The following ARHGAP15 variants were observed in gnomAD, a reference collection of about 807,000 sequenced individuals.
ARHGAP15 encodes rho GTPase-activating protein 15.
In ARHGAP15, 51 loss-of-function variants were observed where a neutral mutation model predicts 63.7. The observed-to-expected ratio is 0.80, with a 90% CI of 0.64 to 1.01. The LOEUF is 1.01. Among genes scored for constraint, ARHGAP15 ranks in the 50% least tolerant of loss-of-function variants. The pLI is 0.00. For missense variants in ARHGAP15, 560 were observed against 564.6 expected (o/e 0.99, Z 0.08); for synonymous variants, 191 against 193.8 (o/e 0.99, Z 0.12).
chr2:143,204,713 A>C (rs1357975455), intron 3 of ARHGAP15, among the ~76,000 whole-genome samples: 1 of 151,890 alleles, frequency 6.6e-6, no homozygotes, highest in East Asian at 1.9e-4. Context: ...GCCCTAGAAG[A>C]CTCATCGACT....
At chr2:143,213,855 A>G (rs911614478) in intron 3 of ARHGAP15, among the ~76,000 whole-genome samples, 2 of 152,248 alleles carry the variant, frequency 1.3e-5, no homozygotes, top group African/African-American at 4.8e-5. Flanking sequence ...TGGCTCAGCC[A>G]CTGATGACAA....
chr2:143,343,738 C>A (rs895346676), intron 6 of ARHGAP15, among the ~76,000 whole-genome samples: 4 of 152,048 alleles, frequency 2.6e-5, no homozygotes, highest in African/African-American at 7.2e-5. Context: ...GACAAGATTG[C>A]ACCCAATTTT....
chr2:143,492,447 A>G (rs1454909165), intron 9 of ARHGAP15, among the ~76,000 whole-genome samples: 1 of 152,154 alleles, frequency 6.6e-6, no homozygotes, highest in Non-Finnish European at 1.5e-5. Flanking sequence ...GCTTATTTAT[A>G]GGTAAATTTT....
intron 12 of ARHGAP15, among the ~76,000 whole-genome samples, chr2:143,648,211 T>G (rs1411306136): frequency 6.6e-6 from 1 of 152,048 alleles, no homozygotes; most frequent in Non-Finnish European, 1.5e-5. Flanking sequence ...TAATTTAAAC[T>G]TTAGCCTTCT....
chr2:143,323,831 T>G lies in ARHGAP15; in HGVS notation c.474+73231T>G, dbSNP rs1017503894. On this transcript the variant is annotated intron_variant, in intron 6 of 13. Transcript: ENST00000295095. ...TGGTGTGAACCCGGGAAGCGGAGCT[T>G]GCAGAGTGAGCCGAGATCGCACCAC... Among the ~76,000 whole-genome samples, 19 of 130,468 alleles carry G rather than the reference T, an allele frequency of 1.5e-4. 1 individual carries two copies. The highest frequency in any genetic ancestry group is 1.3e-3 in the Admixed American group (14 of 10,576). 85.6% of individuals were successfully genotyped at this position (130,468 alleles called of 152,430 possible).
At chr2:143,152,051 A>G (rs1020493312) in intron 1 of ARHGAP15, among the ~76,000 whole-genome samples, 1 of 151,918 alleles carries the variant, frequency 6.6e-6, no homozygotes, top group Non-Finnish European at 1.5e-5. Flanking sequence ...TGTTATGTAC[A>G]TCCAGGACAA....
chr2:143,439,448 AG>A (rs1446029024), intron 8 of ARHGAP15, among the ~76,000 whole-genome samples: 3 of 145,204 alleles, frequency 2.1e-5, no homozygotes, highest in Non-Finnish European at 1.5e-5. Flanking sequence ...AAAAAAAAAA[AG>A]GGAAGAGATA....
intron 2 of ARHGAP15, among the ~76,000 whole-genome samples, chr2:143,174,633 A>C (rs1437909022): frequency 6.6e-6 from 1 of 152,112 alleles, no homozygotes; most frequent in Non-Finnish European, 1.5e-5. Flanking sequence ...TTTTCTTTTC[A>C]TAAGAACTGA....
intron 5 of ARHGAP15, among the ~76,000 whole-genome samples, chr2:143,249,447 T>A (rs1048563136): frequency 1.3e-5 from 2 of 152,146 alleles, no homozygotes; most frequent in Non-Finnish European, 2.9e-5. Context: ...CTTTCATAAT[T>A]TCATGTTTTA....
At chr2:143,729,904 A>AT (rs149740011) in intron 13 of ARHGAP15, among the ~76,000 whole-genome samples, 24,700 of 152,126 alleles carry the variant, frequency 0.16, 2,534 homozygotes, top group Non-Finnish European at 0.24. Flanking sequence ...AAGTTTAGGG[A>AT]TTTTTTGTGA....
At chr2:143,483,232 T>C (rs1416500400) in intron 8 of ARHGAP15, among the ~76,000 whole-genome samples, 1 of 152,212 alleles carries the variant, frequency 6.6e-6, no homozygotes, top group Non-Finnish European at 1.5e-5. Context: ...TAATTAAGAA[T>C]ACTATCACCA....
chr2:143,431,902 G>T (rs965831808), intron 6 of ARHGAP15, among the ~76,000 whole-genome samples: 4 of 151,880 alleles, frequency 2.6e-5, no homozygotes, highest in African/African-American at 9.7e-5. Flanking sequence ...TCTCAAACAG[G>T]GTAGCACCAT....
intron 12 of ARHGAP15, among the ~76,000 whole-genome samples, chr2:143,628,623 A>T (rs1357350262): frequency 6.6e-6 from 1 of 152,102 alleles, no homozygotes; most frequent in Non-Finnish European, 1.5e-5. Flanking sequence ...TTCAGCTCCC[A>T]TCTGGTGACA....
At chr2:143,714,741 C>T (rs892506592) in intron 13 of ARHGAP15, among the ~76,000 whole-genome samples, 1 of 152,222 alleles carries the variant, frequency 6.6e-6, no homozygotes, top group Non-Finnish European at 1.5e-5. Context: ...GGGCAGAATG[C>T]CACCAGTCTC....
chr2:143,168,503 A>G (rs1690638438), intron 2 of ARHGAP15, among the ~76,000 whole-genome samples: 1 of 152,100 alleles, frequency 6.6e-6, no homozygotes, highest in South Asian at 2.1e-4. Flanking sequence ...AGTCTCTTAA[A>G]TTATTATAAA....
intron 12 of ARHGAP15, among the ~76,000 whole-genome samples, chr2:143,663,928 T>C (rs1252847870): frequency 1.3e-5 from 2 of 152,080 alleles, no homozygotes; most frequent in Non-Finnish European, 2.9e-5. Context: ...CTGAGTGACC[T>C]ACAAAGAGAT....
intron 1 of ARHGAP15, among the ~76,000 whole-genome samples, chr2:143,150,004 T>C (rs181891582): frequency 1.3e-5 from 2 of 152,130 alleles, no homozygotes; most frequent in East Asian, 1.9e-4. Context: ...CCATACACAA[T>C]GTCCACTTGA....
At chr2:143,493,015 G>A (rs1333947487) in intron 9 of ARHGAP15, among the ~76,000 whole-genome samples, 10 of 144,134 alleles carry the variant, frequency 6.9e-5, no homozygotes, top group South Asian at 4.5e-4. Context: ...CCGAGAATAC[G>A]CCACTGCACT....
chr2:143,734,472 T>C (rs1389255040), intron 13 of ARHGAP15, among the ~76,000 whole-genome samples: 2 of 152,222 alleles, frequency 1.3e-5, no homozygotes, highest in Admixed American at 1.3e-4. Context: ...AATCCCATGT[T>C]CTCATAAATC....
Sources: gnomAD v4.1 joint callset for allele counts (sites outside exome capture counted in the v4.1 genomes callset) on GRCh38, gnomAD v4.1.1 for gene constraint, MANE v1.5 for transcripts, NCBI Gene and HGNC (gene_info 2026-07-23, HGNC 2026-07-21) for gene names.